Variants in PSD2 observed in about 807,000 individuals in gnomAD.
The protein encoded by PSD2 is PH and SEC7 domain-containing protein 2.
In PSD2, 38 loss-of-function variants were observed where a neutral mutation model predicts 69.8. The observed-to-expected ratio is 0.54, with a 90% confidence interval of 0.42 to 0.71. The LOEUF (loss-of-function observed/expected upper bound fraction) is 0.71, where lower values mean the gene tolerates loss of function less well. Among genes scored for constraint, PSD2 ranks in the 30% least tolerant of loss-of-function variants. The pLI is 0.00. For missense variants in PSD2, 943 were observed against 1,014.5 expected, an observed-to-expected ratio of 0.93 and a Z score of 0.96; for synonymous variants, 412 against 423.0, an observed-to-expected ratio of 0.97 and a Z score of 0.32.
At chr5:139,775,263 C>G in the PSD2 span, 1 of 152,260 alleles carries the variant, frequency 6.6e-6, no homozygotes, top group African/African-American at 2.4e-5. Flanking sequence ...CCGGGAGTGG[C>G]GGGGGCTGCT....
chr5:139,789,597 A>G, the PSD2 span, among the ~76,000 whole-genome samples: 1 of 152,236 alleles, frequency 6.6e-6, no homozygotes, highest in Non-Finnish European at 1.5e-5. Flanking sequence ...AAAACAAAAC[A>G]AAAACAAAAA....
At chr5:139,803,221 C>A (rs923362212) in intron 1 of PSD2, among the ~76,000 whole-genome samples, 2 of 152,344 alleles carry the variant, frequency 1.3e-5, no homozygotes, top group Admixed American at 6.5e-5. Flanking sequence ...CTCTGGCCCC[C>A]CTCCTGGCCC....
rs763951548 is a variant in PSD2, at chr5:139,813,324, G to A, written c.387G>A (p.Gly129=). The A allele has an allele frequency of 6.4e-6, 10 of 1,556,066 alleles. No individual in the cohort carries two copies. Among genetic ancestry groups the A allele is most frequent in the South Asian group, 1.2e-5 (1 of 82,678 alleles). The part of the protein sequence containing the change: ...EDPQLGLDGP[G]EPDVRDGFSA... ...CATCCCACAGGTTGGATGGTCCCGGGGAGCCAGATGTGCGGGATGGCTTCA... is the reference window on the plus strand; with the variant it reads ...CATCCCACAGGTTGGATGGTCCCGGAGAGCCAGATGTGCGGGATGGCTTCA... Residue 129 remains glycine (G), a synonymous_variant, in exon 3 of 15, where the codon GGG becomes GGA. Coordinates refer to ENST00000274710, the MANE Select transcript of PSD2 (RefSeq NM_032289.4).
At chr5:139,818,170 C>T (rs1338936590) in intron 5 of PSD2, among the ~76,000 whole-genome samples, 2 of 152,136 alleles carry the variant, frequency 1.3e-5, no homozygotes, top group Non-Finnish European at 2.9e-5. Context: ...GAGATGGATG[C>T]ATCTCAGAGC....
At chr5:139,748,097 C>G in the PSD2 span, among the ~76,000 whole-genome samples, 1 of 152,160 alleles carries the variant, frequency 6.6e-6, no homozygotes, top group East Asian at 1.9e-4. Flanking sequence ...GCCTGTGAAC[C>G]GAGCCACATC....
In PSD2 at chr5:139,809,656, C is replaced by G. The variant is rs1257184378; in HGVS notation, c.216C>G (p.Ser72Arg). Residue 72 changes from serine to arginine, a missense_variant, in exon 2 of 15, where the codon AGC becomes AGG. Coordinates refer to ENST00000274710, the MANE Select transcript of PSD2 (RefSeq NM_032289.4). ...KDPDVAFHGL[S>R]LGLSLTNGLA... is the part of the protein sequence containing the mutation. ...CAGATGTGGCCTTCCATGGCCTCAGCCTTGGCCTCTCTCTCACCAATGGCC... is the reference window on the plus strand; with the variant it reads ...CAGATGTGGCCTTCCATGGCCTCAGGCTTGGCCTCTCTCTCACCAATGGCC... The G allele has an allele frequency of 1.2e-6, 2 of 1,614,140 alleles. No homozygotes were observed. The highest frequency in any genetic ancestry group is 2.7e-5 in the African/African-American group (2 of 74,950).
At chr5:139,787,643 A>AC in the PSD2 span, among the ~76,000 whole-genome samples, 1 of 152,124 alleles carries the variant, frequency 6.6e-6, no homozygotes, top group Non-Finnish European at 1.5e-5. Flanking sequence ...TGGCGCCCCG[A>AC]CCCCAAAAGA....
At chr5:139,763,876 C>T in the PSD2 span, among the ~76,000 whole-genome samples, 1 of 152,200 alleles carries the variant, frequency 6.6e-6, no homozygotes, top group East Asian at 1.9e-4. Context: ...GTCTGAAATT[C>T]TCTCTGCTGC....
At chr5:139,790,981 G>GT (rs909166605), upstream of PSD2, among the ~76,000 whole-genome samples, 15 of 152,246 alleles carry the variant, frequency 9.9e-5, no homozygotes, top group African/African-American at 3.6e-4. Flanking sequence ...AACCCAGGAG[G>GT]TGGGGGGTGC....
chr5:139,817,384 G>A (rs1760146686), intron 4 of PSD2, 97 bp from the exon 5 acceptor site: 1 of 1,018,272 alleles, frequency 9.8e-7, no homozygotes, highest in African/African-American at 1.6e-5. Context: ...CTAGGGGGTG[G>A]GTGGGTCCGG....
At position 139,814,584 on chromosome 5, in the gene PSD2, G is replaced by C. The variant is rs956045569; in HGVS notation, c.1016+220G>C. 1.1e-4 allele frequency among the ~76,000 whole-genome samples: 17 copies of C among 152,216 alleles called. No homozygotes were observed. Among genetic ancestry groups the C allele is most frequent in the African/African-American group, 4.1e-4 (17 of 41,532 alleles). ...GGGCGAAGCTGATGCTCTCGGGGAGGGGTGGTGGCGGGCAGCCCCTCAGGG... is the reference window on the plus strand; with the variant it reads ...GGGCGAAGCTGATGCTCTCGGGGAGCGGTGGTGGCGGGCAGCCCCTCAGGG... On this transcript the variant is annotated intron_variant, in intron 4 of 14. Coordinates refer to ENST00000274710, the MANE Select transcript of PSD2 (RefSeq NM_032289.4). The surrounding 1 kb of genome is among the most constrained non-coding windows in gnomAD (Gnocchi z 4.4).
At chr5:139,774,907 G>T in the PSD2 span, among the ~76,000 whole-genome samples, 1 of 152,194 alleles carries the variant, frequency 6.6e-6, no homozygotes, top group African/African-American at 2.4e-5. Flanking sequence ...CACCATGGGA[G>T]TGTGGTGCTT....
In PSD2 at chr5:139,837,083, A is replaced by G; in HGVS notation, c.1594+82A>G. 3 of 1,596,930 alleles carry G rather than the reference A, an allele frequency of 1.9e-6. No homozygotes were observed. In the Admixed American group the frequency reaches 5.0e-5, roughly 27 times the overall value. On this transcript the variant is annotated intron_variant, in intron 10 of 14. Coordinates refer to ENST00000274710, the MANE Select transcript of PSD2 (RefSeq NM_032289.4). This position sits in a 1 kb window ranked among gnomAD's most constrained non-coding sequence, Gnocchi z 5.0. ...CACGGGCCACTCTTTGGGGACGAACATACAGGTGGACACGTAGTGGGAGGT... is the reference window on the plus strand; with the variant it reads ...CACGGGCCACTCTTTGGGGACGAACGTACAGGTGGACACGTAGTGGGAGGT...
intron 7 of PSD2, among the ~76,000 whole-genome samples, chr5:139,825,963 G>T (rs775721091): frequency 6.6e-6 from 1 of 152,202 alleles, no homozygotes; most frequent in Admixed American, 6.5e-5. Flanking sequence ...AGACTGCAAC[G>T]CATCCAGGGA....
chr5:139,837,735 G>A lies in PSD2; in HGVS notation c.1776G>A (p.Val592=). Residue 592 remains valine, a synonymous_variant, in exon 12 of 15, where the codon GTG becomes GTA. Transcript: ENST00000274710. This position sits in a 1 kb window ranked among gnomAD's most constrained non-coding sequence, Gnocchi z 5.0. ...CTGACTACAGCAAGAAGTCCAACGT[G>A]CTGAAGCTTAAGACAGCCGACTGGA... The part of the protein sequence containing the change: ...RASDYSKKSN[V]LKLKTADWRV... 1 of 1,613,924 alleles carries A rather than the reference G, an allele frequency of 6.2e-7. No homozygotes were observed. Among genetic ancestry groups the A allele is most frequent in the Non-Finnish European group, 8.5e-7 (1 of 1,179,860 alleles).
the PSD2 span, among the ~76,000 whole-genome samples, chr5:139,774,755 G>A: frequency 7.2e-5 from 11 of 152,224 alleles, no homozygotes; most frequent in African/African-American, 2.4e-4. Context: ...CTCCCAAAGT[G>A]CCAGGATTAC....
At chr5:139,830,345 C>CTTTT (rs755605094) in intron 7 of PSD2, among the ~76,000 whole-genome samples, 2 of 116,574 alleles carry the variant, frequency 1.7e-5, no homozygotes, top group Non-Finnish European at 3.6e-5. Context: ...TGATAGTGTT[C>CTTTT]TTTTTTTTTT....
the PSD2 span, among the ~76,000 whole-genome samples, chr5:139,749,077 C>G: frequency 6.6e-6 from 1 of 152,140 alleles, no homozygotes; most frequent in Non-Finnish European, 1.5e-5. Flanking sequence ...GTCAGGCCCC[C>G]TGGAGCACCC....
At chr5:139,767,407 C>T in the PSD2 span, among the ~76,000 whole-genome samples, 3 of 152,266 alleles carry the variant, frequency 2.0e-5, no homozygotes, top group Admixed American at 6.5e-5. Context: ...CTCCACCTCC[C>T]GGATTCAAGG....
Sources: allele counts gnomAD v4.1 joint callset (sites outside exome capture counted in the v4.1 genomes callset), GRCh38; gene constraint gnomAD v4.1.1; non-coding constraint Gnocchi (gnomAD v3.1); transcripts MANE v1.5; gene names NCBI Gene and HGNC (gene_info 2026-07-23, HGNC 2026-07-21).